Variants in MROH2B observed in about 807,000 individuals in gnomAD.
MROH2B encodes maestro heat like repeat family member 2B.
MROH2B carries 177 observed loss-of-function variants against 208.6 expected under a neutral mutation model. That is an observed-to-expected ratio of 0.85 (90% CI 0.75 to 0.96). The LOEUF is 0.96. Ranked by LOEUF, MROH2B falls within the 40% of genes least tolerant of loss-of-function variation. MROH2B has a pLI of 0.00. For missense variants in MROH2B, 2,002 were observed against 1,878.7 expected, an observed-to-expected ratio of 1.07 and a Z score of -1.21; for synonymous variants, 728 against 659.0, an observed-to-expected ratio of 1.10 and a Z score of -1.60.
chr5:41,052,443 C>CAAAA, intron 12 of MROH2B, 22 bp downstream of exon 12: 1 of 1,596,572 alleles, frequency 6.3e-7, no homozygotes, highest in Non-Finnish European at 8.5e-7. Context: ...GTGCATCACT[C>CAAAA]AAAACTGTAG....
chr5:41,030,473 T>C (rs988184678), intron 24 of MROH2B, among the ~76,000 whole-genome samples: 2 of 151,878 alleles, frequency 1.3e-5, no homozygotes, highest in Non-Finnish European at 2.9e-5. Flanking sequence ...AAATCATAGA[T>C]GACACAAACA....
At chr5:41,008,571 C>T (rs1199059893) in intron 33 of MROH2B, 35 bp downstream of exon 33, 3 of 1,607,046 alleles carry the variant, frequency 1.9e-6, no homozygotes, top group South Asian at 2.2e-5. Context: ...GGGATTAGGA[C>T]CACTGTGGAA....
At position 41,058,168 on chromosome 5, in the gene MROH2B, C is replaced by A. The variant is rs754207365; in HGVS notation, c.651G>T (p.Val217=). The change falls in exon 7 of 42, where the codon GTG becomes GTT. Residue 217 remains valine (V), a synonymous_variant. Transcript: ENST00000399564. ...AGTCTTCCCGATGCAGCAGCAAGCT[C>A]ACCGTGGGCCCGTGGGCCTTAACGA... is the stretch of plus-strand genomic sequence containing the variant. ...LSIVKAHGPT[V]SLLLHREDFR... 6.2e-7 allele frequency: 1 copy of A among 1,604,126 alleles called. No individual in the cohort carries two copies. The highest frequency in any genetic ancestry group is 8.5e-7 in the Non-Finnish European group (1 of 1,174,940).
intron 37 of MROH2B, 72 bp downstream of exon 37, chr5:41,004,274 T>C (rs1287065965): frequency 1.3e-6 from 2 of 1,522,816 alleles, no homozygotes; most frequent in Non-Finnish European, 1.8e-6. Context: ...CAATGTCTTC[T>C]GTGAGCACTA....
intron 39 of MROH2B, 47 bp from the exon 40 acceptor site, chr5:40,999,826 T>G (rs1381738024): frequency 6.4e-7 from 1 of 1,564,744 alleles, no homozygotes; most frequent in Admixed American, 1.7e-5. Flanking sequence ...AAGTGAACCT[T>G]TGTGACATTT....
At chr5:41,033,295 G>T in intron 22 of MROH2B, 135 bp from the exon 23 acceptor site, 2 of 1,263,796 alleles carry the variant, frequency 1.6e-6, no homozygotes, top group Non-Finnish European at 2.2e-6. Flanking sequence ...CTCTACTCCA[G>T]ACTAGGGTCT....
intron 21 of MROH2B, among the ~76,000 whole-genome samples, chr5:41,037,141 T>G (rs1421073138): frequency 2.6e-5 from 4 of 152,158 alleles, no homozygotes; most frequent in Non-Finnish European, 5.9e-5. Context: ...TTTTATTTAT[T>G]TATTTTTATA....
Position 41,017,808 on chromosome 5 carries a change from G to A in MROH2B, c.2884+42C>T, listed in dbSNP as rs771016369. ...GAAAAGCTGAGAATAAAAGAAGATGGGTTTCTTTTCTTCATTTGTGGGTTC... is the reference window on the plus strand; with the variant it reads ...GAAAAGCTGAGAATAAAAGAAGATGAGTTTCTTTTCTTCATTTGTGGGTTC... On this transcript the variant is annotated intron_variant, in intron 28 of 41. Transcript: ENST00000399564. The A allele has an allele frequency of 2.6e-6, 4 of 1,543,080 alleles. No homozygotes were observed. The Admixed American group carries it at 8.3e-5, about 32-fold the overall frequency.
At position 41,033,841 on chromosome 5, in the gene MROH2B, G is replaced by C. The variant is rs1014284698; in HGVS notation, c.2238C>G (p.Asn746Lys). The change falls in exon 22 of 42, where the codon AAC becomes AAG. Residue 746 changes from asparagine (N) to lysine (K), a missense_variant. Physicochemically the swap from Asn to Lys is moderately conservative, Grantham distance 94. Coordinates refer to ENST00000399564, the MANE Select transcript of MROH2B (RefSeq NM_173489.5). The part of the protein sequence containing the change: ...CSQVLGMSVM[N>K]KDMDLQMSFT... Reference sequence around the variant, plus strand: ...TCTATCTATCTATCTCTCCTACCTTGTTCATCACAGACATGCCCAGAACCT... The same window carrying C: ...TCTATCTATCTATCTCTCCTACCTTCTTCATCACAGACATGCCCAGAACCT... 1.0e-4 allele frequency: 150 copies of C among 1,487,804 alleles called. No homozygotes were observed. In the Middle Eastern group the frequency reaches 1.4e-3, roughly 14 times the overall value. 92.2% of individuals were successfully genotyped at this position (1,487,804 alleles called of 1,614,324 possible). A position where few individuals can be genotyped will look rare whatever the true frequency, so the allele number is the denominator to read the frequency against.
At chr5:41,069,223 C>T (rs1743905327) in intron 2 of MROH2B, among the ~76,000 whole-genome samples, 1 of 151,996 alleles carries the variant, frequency 6.6e-6, no homozygotes, top group African/African-American at 2.4e-5. Flanking sequence ...ATTTTACTTC[C>T]CAGATAAGTG....
chr5:41,049,070 GT>G, intron 15 of MROH2B, 30 bp downstream of exon 15: 1 of 1,572,150 alleles, frequency 6.4e-7, no homozygotes, highest in Non-Finnish European at 8.6e-7. Context: ...GCTTAAATTT[GT>G]TCTACTTTGG....
At chr5:41,001,704 A>G (rs1304662540) in intron 37 of MROH2B, among the ~76,000 whole-genome samples, 1 of 151,884 alleles carries the variant, frequency 6.6e-6, no homozygotes, top group Non-Finnish European at 1.5e-5. Context: ...GTGACAGAGC[A>G]GGACTCTGTC....
chr5:41,028,262 T>C (rs1178140085), intron 24 of MROH2B, among the ~76,000 whole-genome samples: 1 of 152,214 alleles, frequency 6.6e-6, no homozygotes, highest in Non-Finnish European at 1.5e-5. Flanking sequence ...CATAGTTATC[T>C]GTTTCTCTCC....
Position 41,049,331 on chromosome 5 carries a change from T to G in MROH2B, c.1450A>C (p.Lys484Gln), listed in dbSNP as rs199617046. ...IRILIMAEEK[K>Q]QHSAKESTAL... ...GTCGACTCCTTGGCACTGTGCTGCTTCTTCTCCTCTGCCATAATCAGAATT... is the reference window on the plus strand; with the variant it reads ...GTCGACTCCTTGGCACTGTGCTGCTGCTTCTCCTCTGCCATAATCAGAATT... The change falls in exon 14 of 42, where the codon AAG (lysine) becomes CAG (glutamine). Residue 484 changes from lysine (K) to glutamine (Q), a missense_variant. Lys to Gln is a moderately conservative substitution (Grantham distance 53). Coordinates refer to ENST00000399564, the MANE Select transcript of MROH2B (RefSeq NM_173489.5). The G allele has an allele frequency of 5.7e-5, 92 of 1,613,620 alleles. No individual in the cohort carries two copies. Among genetic ancestry groups the G allele is most frequent in the South Asian group, 2.0e-4 (18 of 91,074 alleles).
chr5:41,031,660 T>C (rs1579931235), intron 24 of MROH2B, among the ~76,000 whole-genome samples: 2 of 152,244 alleles, frequency 1.3e-5, no homozygotes, highest in Middle Eastern at 6.8e-3. Context: ...TTGCATGTCA[T>C]GAGGATTTGG....
At chr5:41,049,472 T>C in intron 13 of MROH2B, 36 bp from the exon 14 acceptor site, 1 of 1,579,540 alleles carries the variant, frequency 6.3e-7, no homozygotes. Flanking sequence ...GGATTGCTTA[T>C]TCTTTTCCAT....
At chr5:41,028,484 C>A (rs969963007) in intron 24 of MROH2B, among the ~76,000 whole-genome samples, 1 of 152,142 alleles carries the variant, frequency 6.6e-6, no homozygotes, top group African/African-American at 2.4e-5. Flanking sequence ...GAGAATAAAA[C>A]AGTAGCCACT....
Position 41,058,163 on chromosome 5 carries a change from A to C in MROH2B, c.656T>G (p.Leu219Trp). ...ACGGAAGTCTTCCCGATGCAGCAGC[A>C]AGCTCACCGTGGGCCCGTGGGCCTT... is the stretch of plus-strand genomic sequence containing the variant. ...IVKAHGPTVSLLLHREDFRGY... is the reference protein window; with the variant it reads ...IVKAHGPTVSWLLHREDFRGY... The change falls in exon 7 of 42, where the codon TTG (leucine) becomes TGG (tryptophan). Residue 219 changes from leucine (L) to tryptophan (W), a missense_variant. Physicochemically the swap from Leu to Trp is moderately conservative, Grantham distance 61 (BLOSUM62 -2). Coordinates refer to ENST00000399564, the MANE Select transcript of MROH2B (RefSeq NM_173489.5). 6.2e-7 allele frequency: 1 copy of C among 1,605,788 alleles called. No homozygotes were observed. The highest frequency in any genetic ancestry group is 8.5e-7 in the Non-Finnish European group (1 of 1,175,840).
rs1173236251 is a variant in MROH2B, at chr5:41,065,728, C to T, written c.202-238G>A. ...GTTCTTTTGGAGTCTGCAAAAACGTCTACTGACCCCCAAATCTGCAAGAAC... is the reference window on the plus strand; with the variant it reads ...GTTCTTTTGGAGTCTGCAAAAACGTTTACTGACCCCCAAATCTGCAAGAAC... On this transcript the variant is annotated intron_variant, in intron 3 of 41. Coordinates refer to ENST00000399564, the MANE Select transcript of MROH2B (RefSeq NM_173489.5). Among the ~76,000 whole-genome samples, 4 of 152,020 alleles carry T rather than the reference C, an allele frequency of 2.6e-5. No homozygotes were observed. In the East Asian group the frequency reaches 7.8e-4, roughly 29 times the overall value.
Sources: allele counts gnomAD v4.1 joint callset (sites outside exome capture counted in the v4.1 genomes callset), GRCh38; gene constraint gnomAD v4.1.1; transcripts MANE v1.5; gene names NCBI Gene and HGNC (gene_info 2026-07-23, HGNC 2026-07-21).